Variants in SYT1 observed in about 807,000 individuals in gnomAD.
SYT1 encodes the protein synaptotagmin-1.
Under a neutral mutation model 44.8 loss-of-function variants are expected in SYT1, and 8 were observed. The observed-to-expected ratio is 0.18, with a 90% confidence interval of 0.10 to 0.32. The LOEUF is 0.32. Among genes scored for constraint, SYT1 ranks in the 10% least tolerant of loss-of-function variants. SYT1 has a pLI of 1.00. For synonymous variants in SYT1, 154 were observed against 188.8 expected (o/e 0.82, Z 1.51); for missense variants, 286 against 509.3 (o/e 0.56, Z 4.22).
At chr12:78,941,137 A>T (rs1182196652) in intron 1 of SYT1, among the ~76,000 whole-genome samples, 1 of 129,088 alleles carries the variant, frequency 7.7e-6, no homozygotes, top group Non-Finnish European at 1.5e-5. Context: ...CAGTGGCGCC[A>T]TCTCCTCTCA....
chr12:79,199,192 C>T (rs2138486006), intron 3 of SYT1, among the ~76,000 whole-genome samples: 1 of 152,190 alleles, frequency 6.6e-6, no homozygotes, highest in East Asian at 1.9e-4. Flanking sequence ...CATTCACAAC[C>T]AATTCAATTC....
intron 4 of SYT1, among the ~76,000 whole-genome samples, chr12:79,281,201 A>G (rs1406345542): frequency 6.6e-6 from 1 of 152,136 alleles, no homozygotes; most frequent in Non-Finnish European, 1.5e-5. Context: ...ACCTGCACTT[A>G]TATGTTTATT....
intron 9 of SYT1, among the ~76,000 whole-genome samples, chr12:79,360,906 C>T (rs1883293353): frequency 6.6e-6 from 1 of 152,136 alleles, no homozygotes; most frequent in Non-Finnish European, 1.5e-5. Context: ...AGTTGGGACC[C>T]AGGCACAGTT....
intron 2 of SYT1, among the ~76,000 whole-genome samples, chr12:78,986,688 T>C (rs1236087924): frequency 3.3e-5 from 5 of 152,002 alleles, no homozygotes; most frequent in East Asian, 3.8e-4. Context: ...CATATTTTTG[T>C]TCTGGAATAT....
At chr12:79,353,942 T>G (rs571818462) in intron 9 of SYT1, among the ~76,000 whole-genome samples, 54 of 152,304 alleles carry the variant, frequency 3.5e-4, no homozygotes, top group African/African-American at 1.3e-3. Flanking sequence ...TTTGTTGAGC[T>G]TAGAGGGGGT....
chr12:78,998,820 A>C (rs1444010806), intron 2 of SYT1, among the ~76,000 whole-genome samples: 1 of 152,196 alleles, frequency 6.6e-6, no homozygotes, highest in African/African-American at 2.4e-5. Flanking sequence ...CACTTAGCAC[A>C]TCTTCTTTCA....
chr12:79,054,155 T>C (rs949970940), intron 3 of SYT1, among the ~76,000 whole-genome samples: 2 of 152,046 alleles, frequency 1.3e-5, no homozygotes, highest in African/African-American at 2.4e-5. Flanking sequence ...TGCAGCAGAG[T>C]TGCCATTTAA....
intron 1 of SYT1, among the ~76,000 whole-genome samples, chr12:78,885,814 T>C (rs918709704): frequency 1.3e-5 from 2 of 151,966 alleles, no homozygotes; most frequent in Admixed American, 6.6e-5. Context: ...TTGATATTTT[T>C]AAGGATCATT....
chr12:78,909,892 A>T (rs1176332539), intron 1 of SYT1, among the ~76,000 whole-genome samples: 5 of 151,970 alleles, frequency 3.3e-5, no homozygotes, highest in Non-Finnish European at 7.4e-5. Context: ...TTCAATTTTT[A>T]AAAAATGTAC....
chr12:79,183,185 G>A (rs1255455368), intron 3 of SYT1, among the ~76,000 whole-genome samples: 1 of 151,978 alleles, frequency 6.6e-6, no homozygotes, highest in Non-Finnish European at 1.5e-5. Context: ...AATTAAACTG[G>A]CTGAGATATT....
chr12:79,285,707 ATATCTT>A (rs1879275543), intron 4 of SYT1, 74 bp from the exon 5 acceptor site: 6 of 1,090,950 alleles, frequency 5.5e-6, no homozygotes, highest in Admixed American at 2.5e-5. Context: ...AAAAAAATGA[ATATCTT>A]TATAGCCCAT....
intron 3 of SYT1, among the ~76,000 whole-genome samples, chr12:79,177,991 T>A (rs1461453706): frequency 3.3e-5 from 5 of 151,104 alleles, no homozygotes; most frequent in Non-Finnish European, 5.9e-5. Context: ...TCCCATGTTG[T>A]AGGTTGCCTG....
chr12:79,300,797 A>ATATATATATATT (rs1167999062), intron 8 of SYT1, among the ~76,000 whole-genome samples: 1 of 133,164 alleles, frequency 7.5e-6, no homozygotes, highest in African/African-American at 2.9e-5. Flanking sequence ...TATTATATAT[A>ATATATATATATT]TATATATATA....
At chr12:79,342,646 G>A (rs1426051777) in intron 8 of SYT1, among the ~76,000 whole-genome samples, 2 of 152,200 alleles carry the variant, frequency 1.3e-5, no homozygotes, top group African/African-American at 4.8e-5. Flanking sequence ...AGACTATAAG[G>A]ATGGAAACAA....
intron 2 of SYT1, among the ~76,000 whole-genome samples, chr12:78,986,009 C>T (rs1869615789): frequency 6.6e-6 from 1 of 151,972 alleles, no homozygotes; most frequent in Admixed American, 6.6e-5. Flanking sequence ...TGCAGTTTTG[C>T]CTGCTTTTTA....
At chr12:79,398,435 CA>C (rs1377392812) in intron 9 of SYT1, among the ~76,000 whole-genome samples, 1 of 152,036 alleles carries the variant, frequency 6.6e-6, no homozygotes, top group Admixed American at 6.6e-5. Context: ...TTCCTGATAA[CA>C]AGGAGTAGGT....
intron 2 of SYT1, among the ~76,000 whole-genome samples, chr12:79,020,694 A>G (rs551403722): frequency 2.8e-4 from 42 of 152,020 alleles, no homozygotes; most frequent in Middle Eastern, 6.8e-3. Flanking sequence ...TTCCCTGTCC[A>G]TAGCAATAGG....
intron 2 of SYT1, among the ~76,000 whole-genome samples, chr12:79,018,912 TGCC>T (rs753871806): frequency 0.074 from 11,219 of 152,098 alleles, 514 homozygotes; most frequent in East Asian, 0.14. Flanking sequence ...GAATAATATC[TGCC>T]TCATAATTAT....
intron 3 of SYT1, among the ~76,000 whole-genome samples, chr12:79,134,224 G>GA (rs144756257): frequency 0.013 from 1,906 of 152,198 alleles, 43 homozygotes; most frequent in African/African-American, 0.043. Context: ...TGGAAGCATG[G>GA]AAAAAAACTA....
Sources: allele counts gnomAD v4.1 joint callset (sites outside exome capture counted in the v4.1 genomes callset), GRCh38; gene constraint gnomAD v4.1.1; transcripts MANE v1.5; gene names NCBI Gene and HGNC (gene_info 2026-07-23, HGNC 2026-07-21).